Variants in PWWP2A observed in about 807,000 individuals in gnomAD.
The protein encoded by PWWP2A is PWWP domain containing 2A.
In PWWP2A, 18 loss-of-function variants were observed where a neutral mutation model predicts 48.5. The observed-to-expected ratio is 0.37, with a 90% confidence interval of 0.26 to 0.55. PWWP2A has a LOEUF of 0.55. Among genes scored for constraint, PWWP2A ranks in the 20% least tolerant of loss-of-function variants. PWWP2A has a pLI of 0.81. For missense variants in PWWP2A, 867 were observed against 976.4 expected (o/e 0.89, Z 1.49); for synonymous variants, 396 against 387.7 (o/e 1.02, Z -0.25).
chr5:160,101,443 T>G (rs1756277823), intron 1 of PWWP2A, among the ~76,000 whole-genome samples: 1 of 152,124 alleles, frequency 6.6e-6, no homozygotes, highest in African/African-American at 2.4e-5. Context: ...ATGAATCCAC[T>G]TACATGAAAA....
intron 1 of PWWP2A, among the ~76,000 whole-genome samples, chr5:160,108,079 A>T (rs1161756839): frequency 6.6e-6 from 1 of 152,188 alleles, no homozygotes. Flanking sequence ...TAGTGTATAA[A>T]ATATATTTTT....
downstream of PWWP2A, among the ~76,000 whole-genome samples, chr5:160,073,535 CT>C (rs1465972316): frequency 6.6e-6 from 1 of 151,984 alleles, no homozygotes; most frequent in Non-Finnish European, 1.5e-5. Flanking sequence ...CCAAAAACAT[CT>C]TTAACATCAC....
chr5:160,119,100 C>A lies in PWWP2A; in HGVS notation c.289G>T (p.Val97Phe). The A allele has an allele frequency of 6.3e-7, 1 of 1,588,550 alleles. No homozygotes were observed. Among genetic ancestry groups the A allele is most frequent in the African/African-American group, 1.4e-5 (1 of 72,714 alleles). Residue 97 changes from valine (V) to phenylalanine (F), a missense_variant, in exon 1 of 2, where the codon GTT becomes TTT. Val to Phe is a conservative substitution (Grantham distance 50, BLOSUM62 -1). Transcript: ENST00000307063. ...GCTGCCGCCGACTCCGCCACCCGAA[C>A]GGACAGTTTCTCCTCAGCCTCCAGC... ...PELEAEEKLS[V>F]RVAESAAAAP...
chr5:160,076,123 C>A (rs1330902707), exon 4 of PWWP2A: 1 of 151,966 alleles, frequency 6.6e-6, no homozygotes, highest in Non-Finnish European at 1.5e-5. Context: ...ACCACCAAGT[C>A]TCATTTTTTA....
intron 1 of PWWP2A, among the ~76,000 whole-genome samples, chr5:160,110,721 T>A: frequency 6.6e-6 from 1 of 150,638 alleles, no homozygotes; most frequent in Non-Finnish European, 1.5e-5. Flanking sequence ...TGAAATAAAA[T>A]AAAATAAAAA....
chr5:160,117,954 C>T (rs1758304809), intron 1 of PWWP2A: 2 of 787,926 alleles, frequency 2.5e-6, no homozygotes, highest in Non-Finnish European at 3.1e-6. Context: ...AAAAGGTTAA[C>T]TCCAGACTTA....
the PWWP2A span, among the ~76,000 whole-genome samples, chr5:160,045,163 C>T: frequency 0.035 from 5,394 of 152,096 alleles, 139 homozygotes; most frequent in East Asian, 0.12. Flanking sequence ...GAAAAAATGC[C>T]TTGTAAGCGT....
At chr5:160,080,779 GA>G in intron 2 of PWWP2A, 4 of 1,511,450 alleles carry the variant, frequency 2.6e-6, no homozygotes, top group African/African-American at 1.4e-5. Context: ...ACCTATGGTA[GA>G]AAAAACCAAG....
exon 4 of PWWP2A, chr5:160,076,625 C>T (rs1410975159): frequency 6.6e-6 from 1 of 152,144 alleles, no homozygotes; most frequent in Non-Finnish European, 1.5e-5. Flanking sequence ...TTGCATTAAG[C>T]TCATTAGACA....
intron 1 of PWWP2A, among the ~76,000 whole-genome samples, chr5:160,101,828 TG>T (rs1756333840): frequency 6.8e-6 from 1 of 147,114 alleles, no homozygotes; most frequent in African/African-American, 2.5e-5. Flanking sequence ...AAAAAATGCG[TG>T]GCCGGCCACT....
Position 160,092,471 on chromosome 5 carries a change from G to A in PWWP2A, c.2179C>T (p.Leu727=). The part of the protein sequence containing the change: ...QSRFNKKRKG[L]YRKAITEAAK... ...GCCTCTGTGATAGCCTTGCGATACA[G>A]GCCCTTTCTCTTCTTATTAAAGCGT... Residue 727 remains leucine, a synonymous_variant, in exon 2 of 2, where the codon CTG becomes TTG. Transcript: ENST00000307063. 6.4e-7 allele frequency: 1 copy of A among 1,551,656 alleles called. No individual in the cohort carries two copies. The highest frequency in any genetic ancestry group is 2.4e-5 in the East Asian group (1 of 40,922).
chr5:160,080,743 T>C, exon 3 of PWWP2A: 1 of 1,567,940 alleles, frequency 6.4e-7, no homozygotes, highest in Non-Finnish European at 8.7e-7. Context: ...CGTCACTGTC[T>C]GATGTAATAG....
intron 4 of PWWP2A, among the ~76,000 whole-genome samples, chr5:160,066,227 G>A (rs1753602511): frequency 6.6e-6 from 1 of 151,110 alleles, no homozygotes; most frequent in South Asian, 2.1e-4. Context: ...CGTGTGGAAT[G>A]CTGGATGGTC....
At chr5:160,062,923 G>A (rs1753468422) in intron 5 of PWWP2A, among the ~76,000 whole-genome samples, 1 of 151,756 alleles carries the variant, frequency 6.6e-6, no homozygotes, top group Non-Finnish European at 1.5e-5. Flanking sequence ...TCTCTTGCTT[G>A]TTGTGAGCCC....
At chr5:160,073,523 G>A (rs919958338), downstream of PWWP2A, among the ~76,000 whole-genome samples, 2 of 151,766 alleles carry the variant, frequency 1.3e-5, no homozygotes, top group African/African-American at 2.4e-5. Flanking sequence ...CACCATGCCC[G>A]GCCAAAAACA....
At chr5:160,082,990 TAAAG>T in intron 2 of PWWP2A, among the ~76,000 whole-genome samples, 1 of 152,312 alleles carries the variant, frequency 6.6e-6, no homozygotes, top group South Asian at 2.1e-4. Context: ...TTTATGCTCT[TAAAG>T]AAAGCCCACA....
chr5:160,050,977 GT>G, the PWWP2A span: 3,666 of 442,380 alleles, frequency 8.3e-3, no homozygotes, highest in East Asian at 0.012. Flanking sequence ...AATACTTGGG[GT>G]TTTTTTTTTT....
chr5:160,047,092 T>C, the PWWP2A span, among the ~76,000 whole-genome samples: 1 of 152,210 alleles, frequency 6.6e-6, no homozygotes, highest in Non-Finnish European at 1.5e-5. Context: ...CCAAAATTCA[T>C]GAATTTTAAA....
chr5:160,046,159 G>A, the PWWP2A span, among the ~76,000 whole-genome samples: 3 of 152,090 alleles, frequency 2.0e-5, no homozygotes, highest in East Asian at 5.8e-4. Context: ...TCTCTACTTT[G>A]TCTTATCCTA....
Sources: gnomAD v4.1 joint callset for allele counts (sites outside exome capture counted in the v4.1 genomes callset) on GRCh38, gnomAD v4.1.1 for gene constraint, MANE v1.5 for transcripts, NCBI Gene and HGNC (gene_info 2026-07-23, HGNC 2026-07-21) for gene names.